The following SERINC5 variants were observed in gnomAD, a reference collection of about 807,000 sequenced individuals.
SERINC5 encodes the protein serine incorporator 5.
SERINC5 carries 41 observed loss-of-function variants against 63.1 expected under a neutral mutation model. The observed-to-expected ratio is 0.65, with a 90% CI of 0.51 to 0.84. The LOEUF is 0.84. Among genes scored for constraint, SERINC5 ranks in the 40% least tolerant of loss-of-function variants. The pLI, the probability that SERINC5 is intolerant of heterozygous loss-of-function variation, is 0.00. For synonymous variants in SERINC5, 222 were observed against 215.2 expected (o/e 1.03, Z -0.28); for missense variants, 523 against 573.0 (o/e 0.91, Z 0.89).
chr5:80,213,920 G>A (rs1056525208), intron 1 of SERINC5, among the ~76,000 whole-genome samples: 1 of 152,038 alleles, frequency 6.6e-6, no homozygotes. Flanking sequence ...GTAAACAAGA[G>A]ACCTTGATTC....
In SERINC5 at chr5:80,140,305, C is replaced by CAAAAAAA. The variant is rs55718546; in HGVS notation, c.*3351_*3357dup. The CAAAAAAA allele has an allele frequency of 1.9e-5, 9 of 478,240 alleles. 1 individual carries two copies. In the African/African-American group the frequency reaches 3.3e-4, roughly 18 times the overall value. The allele number at this position is 478,240 out of a possible 1,614,324, so 29.6% of individuals were successfully genotyped here. A position where few individuals can be genotyped will look rare whatever the true frequency, so the allele number is the denominator to read the frequency against. ...GTGGCTGACAGAGTGAGCCCGTCTC[C>CAAAAAAA]AAAAAAAAAAAAAAAAAAAAAAAAA... On this transcript the variant is annotated 3_prime_UTR_variant, in exon 12 of 12. Transcript: ENST00000507668.
intron 11 of SERINC5, among the ~76,000 whole-genome samples, chr5:80,113,907 C>T (rs1161158680): frequency 6.6e-6 from 1 of 151,960 alleles, no homozygotes; most frequent in African/African-American, 2.4e-5. Flanking sequence ...TGCCCCCCCA[C>T]CCATGCCTGT....
chr5:80,113,328 A>G (rs1362423516), intron 12 of SERINC5, among the ~76,000 whole-genome samples: 1 of 152,132 alleles, frequency 6.6e-6, no homozygotes, highest in Non-Finnish European at 1.5e-5. Context: ...CCAATTTGGT[A>G]GGTAAAACTA....
intron 4 of SERINC5, 50 bp from the exon 5 acceptor site, chr5:80,175,097 G>T: frequency 7.6e-7 from 1 of 1,317,418 alleles, no homozygotes; most frequent in Non-Finnish European, 1.1e-6. Flanking sequence ...GTTGTATTTT[G>T]CTCAAAAGAG....
intron 1 of SERINC5, among the ~76,000 whole-genome samples, chr5:80,238,021 T>C (rs1244102288): frequency 6.7e-6 from 1 of 149,792 alleles, no homozygotes; most frequent in Non-Finnish European, 1.5e-5. Flanking sequence ...GGAGACTCAC[T>C]TGAACCCGGG....
At chr5:80,212,518 T>C (rs1750478957) in intron 1 of SERINC5, among the ~76,000 whole-genome samples, 1 of 152,180 alleles carries the variant, frequency 6.6e-6, no homozygotes, top group African/African-American at 2.4e-5. Flanking sequence ...AAATGAACAC[T>C]TCTCTACTTT....
chr5:80,200,105 C>A (rs903099619), intron 2 of SERINC5, among the ~76,000 whole-genome samples: 8 of 151,716 alleles, frequency 5.3e-5, no homozygotes, highest in African/African-American at 1.7e-4. Flanking sequence ...CTGCAGAGAG[C>A]CATGATTGTG....
intron 2 of SERINC5, among the ~76,000 whole-genome samples, chr5:80,185,650 G>A (rs1748748618): frequency 6.6e-6 from 1 of 152,112 alleles, no homozygotes; most frequent in Non-Finnish European, 1.5e-5. Flanking sequence ...ATTTGGGCAG[G>A]TAAAGGAAAA....
intron 8 of SERINC5, 92 bp from the exon 9 acceptor site, chr5:80,151,040 G>A (rs1021878575): frequency 2.9e-5 from 25 of 867,298 alleles, no homozygotes; most frequent in Admixed American, 1.2e-4. Flanking sequence ...GCTCCGACGA[G>A]AGCCTCAATG....
At chr5:80,170,642 C>A (rs1197788823) in intron 5 of SERINC5, among the ~76,000 whole-genome samples, 1 of 152,116 alleles carries the variant, frequency 6.6e-6, no homozygotes, top group Non-Finnish European at 1.5e-5. Context: ...CAGTTTTTGG[C>A]AGGATGAAAA....
intron 1 of SERINC5, among the ~76,000 whole-genome samples, chr5:80,249,619 A>G (rs1049892878): frequency 5.9e-5 from 9 of 152,172 alleles, no homozygotes; most frequent in African/African-American, 1.7e-4. Flanking sequence ...CCTAGCCAAC[A>G]TGGGGAAACC....
intron 1 of SERINC5, among the ~76,000 whole-genome samples, chr5:80,220,687 C>T (rs557293371): frequency 3.2e-4 from 49 of 152,196 alleles, no homozygotes; most frequent in South Asian, 2.7e-3. Flanking sequence ...GAGGTAGGCG[C>T]CTCTGAGTCA....
chr5:80,237,704 AT>A (rs1751758714), intron 1 of SERINC5, among the ~76,000 whole-genome samples: 2 of 152,100 alleles, frequency 1.3e-5, no homozygotes, highest in South Asian at 4.1e-4. Flanking sequence ...TGAAATGAGC[AT>A]TGGTGTTCCT....
chr5:80,164,339 G>A (rs551283079), intron 7 of SERINC5, among the ~76,000 whole-genome samples: 5 of 145,650 alleles, frequency 3.4e-5, no homozygotes, highest in Admixed American at 2.7e-4. Context: ...GGGTTTTTTT[G>A]GGGGGGAGGG....
At chr5:80,131,940 C>T (rs1185778348) in intron 11 of SERINC5, among the ~76,000 whole-genome samples, 2 of 152,100 alleles carry the variant, frequency 1.3e-5, no homozygotes. Context: ...AGAAGCCTTC[C>T]TTTCACCGCT....
chr5:80,226,373 G>A (rs10474613), intron 1 of SERINC5, among the ~76,000 whole-genome samples: 91,122 of 152,030 alleles, frequency 0.6, 27,594 homozygotes, highest in African/African-American at 0.67. Context: ...CGACTTTCCA[G>A]AAGCCACTTT....
intron 11 of SERINC5, among the ~76,000 whole-genome samples, chr5:80,145,572 G>A (rs1234919973): frequency 6.6e-6 from 1 of 152,038 alleles, no homozygotes; most frequent in African/African-American, 2.4e-5. Flanking sequence ...GAAAAAAAAG[G>A]GATATTTTCT....
At chr5:80,235,384 AGT>A (rs963588099) in intron 1 of SERINC5, among the ~76,000 whole-genome samples, 13 of 152,208 alleles carry the variant, frequency 8.5e-5, no homozygotes, top group Non-Finnish European at 1.9e-4. Context: ...CTTCATTATC[AGT>A]GTTTAAGATG....
chr5:80,207,291 G>A (rs1750219566), intron 1 of SERINC5, among the ~76,000 whole-genome samples: 1 of 152,142 alleles, frequency 6.6e-6, no homozygotes, highest in African/African-American at 2.4e-5. Context: ...AAGCCATGGT[G>A]CCCAGCAACC....
Sources: allele counts gnomAD v4.1 joint callset (sites outside exome capture counted in the v4.1 genomes callset), GRCh38; gene constraint gnomAD v4.1.1; transcripts MANE v1.5; gene names NCBI Gene and HGNC (gene_info 2026-07-23, HGNC 2026-07-21).